RAB9B: variants seen among roughly 807,000 people sequenced by gnomAD.
The protein encoded by RAB9B is RAB9B, member RAS oncogene family.
Under a neutral mutation model 8.9 loss-of-function variants are expected in RAB9B, and 1 was observed. The observed-to-expected ratio is 0.11, with a 90% CI of 0.04 to 0.53. RAB9B has a LOEUF of 0.53. Among genes scored for constraint, RAB9B ranks in the 20% least tolerant of loss-of-function variants. RAB9B has a pLI of 0.93. For missense variants in RAB9B, 82 were observed against 152.9 expected (o/e 0.54, Z 2.45); for synonymous variants, 63 against 57.0 (o/e 1.10, Z -0.47).
At chrX:103,788,325 C>T in the RAB9B span, 4 of 623,711 alleles carry the variant, frequency 6.4e-6, no homozygotes, top group African/African-American at 8.7e-5. Flanking sequence ...TGGTAGAATC[C>T]AACTTTACAG....
chrX:103,778,560 C>A, the RAB9B span, among the ~76,000 whole-genome samples: 1 of 111,141 alleles, frequency 9.0e-6, no homozygotes, highest in African/African-American at 3.3e-5. Flanking sequence ...GATGAAATCC[C>A]TGAGGAAAGG....
At chrX:103,793,694 T>C in the RAB9B span, among the ~76,000 whole-genome samples, 2 of 108,190 alleles carry the variant, frequency 1.8e-5, no homozygotes, top group Admixed American at 2.0e-4. Context: ...GCTCTGCCTC[T>C]GGGATGAATC....
the RAB9B span, chrX:103,792,348 A>G: frequency 6.2e-5 from 7 of 112,632 alleles, no homozygotes; most frequent in East Asian, 2.8e-4. Context: ...TAAGAAACCA[A>G]TCAAGATAAA....
At chrX:103,777,018 A>G in the RAB9B span, 1 of 1,185,277 alleles carries the variant, frequency 8.4e-7, no homozygotes, top group South Asian at 1.8e-5. Context: ...CAAAAACTTT[A>G]GCATTGAAGA....
chrX:103,795,392 G>A, the RAB9B span, among the ~76,000 whole-genome samples: 3 of 111,901 alleles, frequency 2.7e-5, no homozygotes, highest in Non-Finnish European at 1.9e-5. Flanking sequence ...AGGTTCCAAA[G>A]GAACTAGCTT....
chrX:103,823,088 G>C lies in RAB9B; in HGVS notation c.*2091C>G, dbSNP rs906743654. 6 of 111,057 alleles carry C rather than the reference G, an allele frequency of 5.4e-5. No homozygotes were observed. The highest frequency in any genetic ancestry group is 1.1e-4 in the Non-Finnish European group (6 of 53,005). The allele number at this position is 111,057 out of a possible 1,213,427, so 9.2% of individuals were successfully genotyped here. On this transcript the variant is annotated 3_prime_UTR_variant, in exon 3 of 3. Transcript: ENST00000243298. ...AGAGGTCTTTATGATGAAGGCCTGA[G>C]ATCTACAAATAGAAACTAGTATAAG...
chrX:103,798,823 G>A, the RAB9B span, among the ~76,000 whole-genome samples: 1 of 108,024 alleles, frequency 9.3e-6, no homozygotes, highest in East Asian at 2.9e-4. Flanking sequence ...TTTATTTTTA[G>A]TAGAGACGGG....
chrX:103,783,699 T>C, the RAB9B span, among the ~76,000 whole-genome samples: 5 of 112,175 alleles, frequency 4.5e-5, no homozygotes, highest in Admixed American at 9.4e-5. Flanking sequence ...GTAACTAATG[T>C]TAACAGAATC....
At chrX:103,817,650 C>A (rs2074644812), downstream of RAB9B, among the ~76,000 whole-genome samples, 1 of 109,714 alleles carries the variant, frequency 9.1e-6, no homozygotes, top group Non-Finnish European at 1.9e-5. Flanking sequence ...TAGTCTATGG[C>A]GGAACACTAA....
chrX:103,831,305 C>A (rs751015940), intron 1 of RAB9B, among the ~76,000 whole-genome samples: 17 of 108,522 alleles, frequency 1.6e-4, no homozygotes, highest in African/African-American at 5.7e-4. Flanking sequence ...AACCCTCTGA[C>A]GCACTGGATT....
chrX:103,821,431 A>G (rs1202437053), downstream of RAB9B, among the ~76,000 whole-genome samples: 4 of 110,869 alleles, frequency 3.6e-5, no homozygotes, highest in Non-Finnish European at 3.8e-5. Context: ...AACAGGCAAA[A>G]GTAGACAGAG....
rs779793404 is a variant in RAB9B at position 103,825,782 on chromosome X, CATTTT to C, written c.-3_2del. On this transcript the variant is annotated start_lost and 5_prime_UTR_variant, in exon 3 of 3. Transcript: ENST00000243298. ...CCTTTAAGAGCAGGGATTTCCCACT[CATTTT>C]TGCAGCACCAGAAGGGAAGGAGTTT... The C allele has an allele frequency of 8.6e-7, 1 of 1,168,111 alleles. No individual in the cohort carries two copies. Among genetic ancestry groups the C allele is most frequent in the Non-Finnish European group, 1.1e-6 (1 of 874,364 alleles).
At chrX:103,815,594 A>G in the RAB9B span, among the ~76,000 whole-genome samples, 1 of 112,187 alleles carries the variant, frequency 8.9e-6, no homozygotes, top group Non-Finnish European at 1.9e-5. Context: ...GCAATCAGGC[A>G]AGAAAAAGCA....
chrX:103,778,035 A>G, the RAB9B span, among the ~76,000 whole-genome samples: 1 of 112,142 alleles, frequency 8.9e-6, no homozygotes, highest in Non-Finnish European at 1.9e-5. Flanking sequence ...CAGAGAGAAC[A>G]CTTTGAAGCA....
the RAB9B span, among the ~76,000 whole-genome samples, chrX:103,799,681 A>AT: frequency 8.9e-6 from 1 of 112,142 alleles, no homozygotes; most frequent in South Asian, 3.7e-4. Flanking sequence ...CTGTTTTAAA[A>AT]TTTTTTCTTA....
chrX:103,796,331 G>A, the RAB9B span, among the ~76,000 whole-genome samples: 86 of 111,184 alleles, frequency 7.7e-4, no homozygotes, highest in Admixed American at 3.3e-3. Flanking sequence ...TTAGCCAGGC[G>A]TGGTGGTTCA....
intron 2 of RAB9B, among the ~76,000 whole-genome samples, chrX:103,826,394 A>G (rs951265862): frequency 8.9e-6 from 1 of 111,928 alleles, no homozygotes; most frequent in African/African-American, 3.2e-5. Context: ...ATTGATAGGA[A>G]CACCCTCTCA....
downstream of RAB9B, among the ~76,000 whole-genome samples, chrX:103,817,725 C>T (rs1305443346): frequency 1.8e-5 from 2 of 110,681 alleles, no homozygotes; most frequent in Non-Finnish European, 3.8e-5. Flanking sequence ...TTATATTTAA[C>T]ACAAGGCTTC....
At chrX:103,785,619 C>T in the RAB9B span, 1 of 1,208,570 alleles carries the variant, frequency 8.3e-7, no homozygotes, top group African/African-American at 1.8e-5. Context: ...TGGTAGGGGC[C>T]CCCTTTGCTT....
Sources: gnomAD v4.1 joint callset for allele counts (sites outside exome capture counted in the v4.1 genomes callset) on GRCh38, gnomAD v4.1.1 for gene constraint, MANE v1.5 for transcripts, NCBI Gene and HGNC (gene_info 2026-07-23, HGNC 2026-07-21) for gene names.